ANKRD11: variants seen among roughly 807,000 people sequenced by gnomAD.
The protein encoded by ANKRD11 is ankyrin repeat domain-containing protein 11.
Under a neutral mutation model 195.7 loss-of-function variants are expected in ANKRD11, and 17 were observed. The ratio of observed to expected loss-of-function variants is 0.09; its 90% CI spans 0.06 to 0.13. ANKRD11 has a LOEUF of 0.13. Among genes scored for constraint, ANKRD11 ranks in the 10% least tolerant of loss-of-function variants. ANKRD11 has a pLI of 1.00. For missense variants in ANKRD11, 3,735 were observed against 3,566.1 expected (o/e 1.05, Z -1.21); for synonymous variants, 1,953 against 1,528.1 (o/e 1.28, Z -6.49).
chr16:89,463,225 A>G (rs2056761865), intron 1 of ANKRD11, among the ~76,000 whole-genome samples: 1 of 152,260 alleles, frequency 6.6e-6, no homozygotes, highest in African/African-American at 2.4e-5. Context: ...GTTTTGTGGA[A>G]TAGAAAGCGG....
rs199785661 is a variant in ANKRD11, at chr16:89,280,457, C to T, written c.6085G>A (p.Val2029Ile). 1.9e-4 allele frequency: 303 copies of T among 1,591,222 alleles called. No individual in the cohort carries two copies. The highest frequency in any genetic ancestry group is 4.7e-4 in the South Asian group (42 of 89,580). ...ACGTCCTCCAGCCCCGGCTCAGCGA[C>T]GGGCAGAGCGTACGGGGCAGGAGAG... ...PASPAPYALP[V>I]AEPGLEDVKD... The change falls in exon 9 of 13, where the codon GTC becomes ATC. Residue 2029 changes from valine to isoleucine, a missense_variant. Transcript: ENST00000301030.
intron 2 of ANKRD11, among the ~76,000 whole-genome samples, chr16:89,393,314 A>ATTTTTT (rs573197657): frequency 7.2e-6 from 1 of 139,278 alleles, no homozygotes; most frequent in African/African-American, 2.6e-5. Context: ...TTTTATTTTT[A>ATTTTTT]TTTTTTTTTT....
chr16:89,432,971 TCTCTCTCTCTCTCTCTCTC>T lies in ANKRD11; in HGVS notation c.-144-14622_-144-14604del, dbSNP rs2043054247. ...CTCTCTCTCTCTCTCTCTCTCTCTC[TCTCTCTCTCTCTCTCTCTC>T]CTCTCTCTCACACACACACACACAC... On this transcript the variant is annotated intron_variant, in intron 1 of 12. Transcript: ENST00000301030. Among the ~76,000 whole-genome samples the T allele has an allele frequency of 4.7e-5, 7 of 148,774 alleles. No homozygotes were observed. In the South Asian group the frequency reaches 6.4e-4, roughly 14 times the overall value.
In ANKRD11 at chr16:89,282,101, C is replaced by T. The variant is rs764127735; in HGVS notation, c.4441G>A (p.Ala1481Thr). 1.9e-6 allele frequency: 3 copies of T among 1,613,812 alleles called. No individual in the cohort carries two copies. The African/African-American group carries it at 4.0e-5, about 22-fold the overall frequency. ...CTGTGATGCCGCAGCAGCCCATCCG[C>T]ATGCCTGTCCCGGTGCCTCTCCTTC... ...DEKERHRDRH[A>T]DGLLRHHRDE... The change falls in exon 9 of 13, where the codon GCG becomes ACG. Residue 1481 changes from alanine (A) to threonine (T), a missense_variant. Transcript: ENST00000301030.
chr16:89,354,950 C>A (rs1171380257), intron 2 of ANKRD11, among the ~76,000 whole-genome samples: 1 of 152,116 alleles, frequency 6.6e-6, no homozygotes, highest in Non-Finnish European at 1.5e-5. Context: ...AAGAAAATGC[C>A]CCCAAAGGAG....
At chr16:89,294,667 C>T (rs1285574026) in intron 4 of ANKRD11, among the ~76,000 whole-genome samples, 2 of 152,242 alleles carry the variant, frequency 1.3e-5, no homozygotes, top group Admixed American at 6.5e-5. Flanking sequence ...AACCCAGCGA[C>T]ACCATGGTCT....
At chr16:89,329,187 G>A (rs980644576) in intron 2 of ANKRD11, among the ~76,000 whole-genome samples, 22 of 152,338 alleles carry the variant, frequency 1.4e-4, no homozygotes, top group African/African-American at 5.0e-4. Flanking sequence ...CGGGGACTCC[G>A]TGAGGAGGGC....
At chr16:89,405,902 G>A (rs2041886299) in intron 2 of ANKRD11, among the ~76,000 whole-genome samples, 1 of 152,044 alleles carries the variant, frequency 6.6e-6, no homozygotes, top group African/African-American at 2.4e-5. Context: ...CTGAGGACAG[G>A]AGTTCGAGAG....
In ANKRD11 at chr16:89,282,761, C is replaced by A; in HGVS notation, c.3781G>T (p.Asp1261Tyr). 2 of 1,613,214 alleles carry A rather than the reference C, an allele frequency of 1.2e-6. No homozygotes were observed. Among genetic ancestry groups the A allele is most frequent in the Admixed American group, 1.7e-5 (1 of 59,992 alleles). The change falls in exon 9 of 13, where the codon GAC becomes TAC. Residue 1261 changes from aspartate to tyrosine, a missense_variant. Physicochemically the swap from Asp to Tyr is radical, Grantham distance 160. Transcript: ENST00000301030. ...TTCCTCTCCTTGGAATGTTCTTTGTCCGACTTCTCTTTGTGTTTGCTTTTA... is the reference window on the plus strand; with the variant it reads ...TTCCTCTCCTTGGAATGTTCTTTGTACGACTTCTCTTTGTGTTTGCTTTTA... Reference protein sequence around the residue: ...KAKSKHKEKSDKEHSKERKSS... With the variant: ...KAKSKHKEKSYKEHSKERKSS...
intron 1 of ANKRD11, among the ~76,000 whole-genome samples, chr16:89,440,883 G>A (rs2043423711): frequency 6.6e-6 from 1 of 152,216 alleles, no homozygotes; most frequent in African/African-American, 2.4e-5. Context: ...GAATCCTGGT[G>A]TGGCTGGTGT....
intron 1 of ANKRD11, among the ~76,000 whole-genome samples, chr16:89,420,710 A>G (rs2042476589): frequency 6.6e-6 from 1 of 152,190 alleles, no homozygotes; most frequent in Admixed American, 6.5e-5. Context: ...AATATTTGGA[A>G]TAAACATTAC....
chr16:89,268,715 C>T, intron 12 of ANKRD11, 52 bp from the exon 13 acceptor site: 9 of 1,543,390 alleles, frequency 5.8e-6, no homozygotes, highest in Non-Finnish European at 7.9e-6. Context: ...GGGAGAGCCC[C>T]AGACTCTGCC....
At chr16:89,414,048 G>A (rs938107169) in intron 2 of ANKRD11, among the ~76,000 whole-genome samples, 5 of 151,052 alleles carry the variant, frequency 3.3e-5, no homozygotes, top group Admixed American at 6.6e-5. Flanking sequence ...TCCGCCACGG[G>A]CCTGCACACC....
chr16:89,405,773 G>C (rs28644774), intron 2 of ANKRD11, among the ~76,000 whole-genome samples: 80,196 of 151,772 alleles, frequency 0.53, 21,447 homozygotes, highest in Middle Eastern at 0.72. Flanking sequence ...TGGGGCTTAG[G>C]GGTCAAATTC....
At chr16:89,312,484 G>A (rs912290719) in intron 3 of ANKRD11, among the ~76,000 whole-genome samples, 3 of 152,236 alleles carry the variant, frequency 2.0e-5, no homozygotes, top group African/African-American at 2.4e-5. Context: ...AGGAGCTGGC[G>A]GGCCACAGGC....
Position 89,378,054 on chromosome 16 carries a change from C to T in ANKRD11, c.-60+40230G>A, listed in dbSNP as rs1226837237. On this transcript the variant is annotated intron_variant, in intron 2 of 12. Transcript: ENST00000301030. Reference sequence around the variant, plus strand: ...GTAAGAATACAGTATACAATACATACGACATATAAAATATGAGGGGCATGG... The same window carrying T: ...GTAAGAATACAGTATACAATACATATGACATATAAAATATGAGGGGCATGG... Among the ~76,000 whole-genome samples, 7 of 152,172 alleles carry T rather than the reference C, an allele frequency of 4.6e-5. No individual in the cohort carries two copies. The East Asian group carries it at 7.7e-4, about 17-fold the overall frequency.
intron 2 of ANKRD11, among the ~76,000 whole-genome samples, chr16:89,325,793 C>T (rs1461134371): frequency 6.6e-6 from 1 of 152,188 alleles, no homozygotes; most frequent in Non-Finnish European, 1.5e-5. Flanking sequence ...CCTTGCAAGG[C>T]CTCAGAGGTG....
chr16:89,341,239 G>A (rs914763454), intron 2 of ANKRD11, among the ~76,000 whole-genome samples: 5 of 152,206 alleles, frequency 3.3e-5, no homozygotes, highest in Non-Finnish European at 7.3e-5. Context: ...ATCATGGCAA[G>A]CAGACCCGGT....
At position 89,291,734 on chromosome 16, in the gene ANKRD11, G is replaced by A. The variant is rs2035077246; in HGVS notation, c.227-551C>T. The A allele has an allele frequency of 4.7e-6, 6 of 1,289,700 alleles. No individual in the cohort carries two copies. Among genetic ancestry groups the A allele is most frequent in the Non-Finnish European group, 5.1e-6 (5 of 988,884 alleles). The allele number at this position is 1,289,700 out of a possible 1,614,324, so 79.9% of individuals were successfully genotyped here. On this transcript the variant is annotated intron_variant, in intron 4 of 12. Coordinates refer to ENST00000301030, the MANE Select transcript of ANKRD11 (RefSeq NM_013275.6). This position sits in a 1 kb window ranked among gnomAD's most constrained non-coding sequence, Gnocchi z 5.3. ...CTCATGCCATGGTGCTTCGAGGAGC[G>A]TACCAGCCTTGCAGCACCACAACAG...
Sources: allele counts gnomAD v4.1 joint callset (sites outside exome capture counted in the v4.1 genomes callset), GRCh38; gene constraint gnomAD v4.1.1; non-coding constraint Gnocchi (gnomAD v3.1); transcripts MANE v1.5; gene names NCBI Gene and HGNC (gene_info 2026-07-23, HGNC 2026-07-21).